Variants in TMIGD3 observed in about 807,000 individuals in gnomAD.
The protein encoded by TMIGD3 is AD026 protein (AD026).
In TMIGD3, 21 loss-of-function variants were observed where a neutral mutation model predicts 28.1. The ratio of observed to expected loss-of-function variants is 0.75; its 90% CI spans 0.53 to 1.08. TMIGD3 has a LOEUF of 1.08. Among genes scored for constraint, TMIGD3 ranks in the 50% least tolerant of loss-of-function variants. The pLI, the probability that TMIGD3 is intolerant of heterozygous loss-of-function variation, is 0.00. For missense variants in TMIGD3, 416 were observed against 435.6 expected, an observed-to-expected ratio of 0.96 and a Z score of 0.40; for synonymous variants, 151 against 162.1, an observed-to-expected ratio of 0.93 and a Z score of 0.52.
intron 2 of TMIGD3, chr1:111,490,310 G>C (rs72991728): frequency 0.028 from 5,978 of 214,224 alleles, 372 homozygotes; most frequent in African/African-American, 0.13. Context: ...CAGTGGAGAT[G>C]CTGGGGAAAA....
chr1:111,531,972 T>C (rs1656473263), intron 1 of TMIGD3, among the ~76,000 whole-genome samples: 1 of 152,226 alleles, frequency 6.6e-6, no homozygotes, highest in African/African-American at 2.4e-5. Context: ...CTTTGTTAGA[T>C]GCGACTGTTG....
At chr1:111,485,677 TC>T in intron 5 of TMIGD3, 62 bp downstream of exon 5, 1 of 1,313,070 alleles carries the variant, frequency 7.6e-7, no homozygotes, top group Non-Finnish European at 1.1e-6. Context: ...TGAAATCTGC[TC>T]CTTGACCTCT....
upstream of TMIGD3, among the ~76,000 whole-genome samples, chr1:111,507,255 C>A (rs966302393): frequency 6.6e-6 from 1 of 151,542 alleles, no homozygotes; most frequent in African/African-American, 2.4e-5. Context: ...GACCCCACCT[C>A]TATTTTTTTT....
intron 1 of TMIGD3, among the ~76,000 whole-genome samples, chr1:111,523,632 T>C (rs568548937): frequency 6.6e-6 from 1 of 152,292 alleles, no homozygotes; most frequent in Non-Finnish European, 1.5e-5. Flanking sequence ...CTATATGGGC[T>C]TCGAGTTTTC....
intron 1 of TMIGD3, among the ~76,000 whole-genome samples, chr1:111,535,048 C>T (rs1656592993): frequency 6.6e-6 from 1 of 152,158 alleles, no homozygotes; most frequent in Admixed American, 6.5e-5. Flanking sequence ...AGTTCAACTA[C>T]CTATCAGCTT....
chr1:111,542,284 C>T (rs1043871406), intron 1 of TMIGD3: 3 of 572,032 alleles, frequency 5.2e-6, no homozygotes, highest in Non-Finnish European at 1.0e-5. Context: ...TCAGACCTGC[C>T]GGTTCGAACA....
rs1654519542 is a variant in TMIGD3 at position 111,488,931 on chromosome 1, G to A, written c.551C>T (p.Pro184Leu). 1 of 1,614,076 alleles carries A rather than the reference G, an allele frequency of 6.2e-7. No individual in the cohort carries two copies. Among genetic ancestry groups the A allele is most frequent in the Non-Finnish European group, 8.5e-7 (1 of 1,180,038 alleles). ...CNYNAHYKNH[P>L]KYWCRGYFRD... Reference sequence around the variant, plus strand: ...GAAATAGCCTCGGCACCAGTATTTGGGGTGATTCTTGTAGTGGGCATTGTA... The same window carrying A: ...GAAATAGCCTCGGCACCAGTATTTGAGGTGATTCTTGTAGTGGGCATTGTA... Residue 184 changes from proline (P) to leucine (L), a missense_variant, in exon 3 of 6, where the codon CCC (proline) becomes CTC (leucine). By Grantham distance (98) the Pro-to-Leu change is moderately conservative. Transcript: ENST00000369716.
chr1:111,486,108 G>T (rs942942595), intron 4 of TMIGD3, among the ~76,000 whole-genome samples: 1 of 152,162 alleles, frequency 6.6e-6, no homozygotes, highest in African/African-American at 2.4e-5. Context: ...TCTCAGACTG[G>T]CCAGTCTCTT....
intron 1 of TMIGD3, chr1:111,542,517 A>G (rs750352768): frequency 1.6e-4 from 31 of 198,428 alleles, no homozygotes; most frequent in Non-Finnish European, 2.5e-4. Context: ...AAGGTGGGAA[A>G]TTTTTATTTC....
intron 1 of TMIGD3, among the ~76,000 whole-genome samples, chr1:111,534,382 G>A (rs373176488): frequency 6.6e-6 from 1 of 152,172 alleles, no homozygotes; most frequent in Admixed American, 6.5e-5. Flanking sequence ...CTGGGTTGTA[G>A]GAATGTCAGG....
intron 1 of TMIGD3, among the ~76,000 whole-genome samples, chr1:111,533,890 C>A (rs1019633621): frequency 3.9e-5 from 6 of 152,200 alleles, no homozygotes; most frequent in Admixed American, 6.5e-5. Flanking sequence ...CACTTTGGAG[C>A]CAGTATGCTT....
chr1:111,556,889 G>C (rs529067350), intron 1 of TMIGD3, among the ~76,000 whole-genome samples: 103 of 142,552 alleles, frequency 7.2e-4, no homozygotes, highest in Non-Finnish European at 1.3e-3. Flanking sequence ...AGTTAAAATG[G>C]TACATTTTAC....
chr1:111,492,222 A>G (rs931968833), intron 1 of TMIGD3, among the ~76,000 whole-genome samples: 7 of 152,198 alleles, frequency 4.6e-5, no homozygotes, highest in African/African-American at 1.7e-4. Context: ...CTCATGAGAC[A>G]CCATGCATTA....
chr1:111,506,892 C>CAAA (rs10653519), upstream of TMIGD3, among the ~76,000 whole-genome samples: 22 of 132,244 alleles, frequency 1.7e-4, no homozygotes, highest in Non-Finnish European at 3.0e-4. Flanking sequence ...TTCTTAAAAA[C>CAAA]AAAAAATATA....
chr1:111,540,945 C>G (rs1021935426), intron 1 of TMIGD3, among the ~76,000 whole-genome samples: 2 of 152,172 alleles, frequency 1.3e-5, no homozygotes, highest in African/African-American at 2.4e-5. Flanking sequence ...AATCAAATGC[C>G]TATGGAACGA....
At chr1:111,512,005 A>G (rs1571425752) in intron 1 of TMIGD3, among the ~76,000 whole-genome samples, 1 of 92,064 alleles carries the variant, frequency 1.1e-5, no homozygotes, top group Non-Finnish European at 2.1e-5. Flanking sequence ...GTTCAGGGTC[A>G]AAACTAGAAA....
intron 1 of TMIGD3, among the ~76,000 whole-genome samples, chr1:111,521,718 C>A (rs911552870): frequency 6.6e-6 from 1 of 152,040 alleles, no homozygotes; most frequent in Non-Finnish European, 1.5e-5. Flanking sequence ...TGGTTTGTGG[C>A]CAACTTTTTA....
Position 111,491,001 on chromosome 1 carries a change from AG to A in TMIGD3, c.351-240del, listed in dbSNP as rs35262507. ...ATGGGCTCTGGCCCACACTCAGAAA[AG>A]CACATGCACACAGCCATCACTGGTA... On this transcript the variant is annotated intron_variant, in intron 1 of 5. Transcript: ENST00000369716. Among the ~76,000 whole-genome samples, 57 of 152,374 alleles carry A rather than the reference AG, an allele frequency of 3.7e-4. No homozygotes were observed. The East Asian group carries it at 0.011, about 28-fold the overall frequency.
At chr1:111,486,876 C>T (rs1207224281) in intron 3 of TMIGD3, among the ~76,000 whole-genome samples, 2 of 152,186 alleles carry the variant, frequency 1.3e-5, no homozygotes, top group East Asian at 3.8e-4. Flanking sequence ...ACTCTGCTTG[C>T]CAGGCCATGC....
Sources: allele counts gnomAD v4.1 joint callset (sites outside exome capture counted in the v4.1 genomes callset), GRCh38; gene constraint gnomAD v4.1.1; transcripts MANE v1.5; gene names NCBI Gene and HGNC (gene_info 2026-07-23, HGNC 2026-07-21).